LRRCC1: variants seen among roughly 807,000 people sequenced by gnomAD.
LRRCC1 encodes the protein leucine rich repeat and coiled-coil centrosomal protein 1.
In LRRCC1, 115 loss-of-function variants were observed where a neutral mutation model predicts 126.0. That is an observed-to-expected ratio of 0.91 (90% CI 0.78 to 1.07). The LOEUF (loss-of-function observed/expected upper bound fraction) is 1.07. Ranked by LOEUF, LRRCC1 falls within the 50% of genes least tolerant of loss-of-function variation. LRRCC1 has a pLI of 0.00. For synonymous variants in LRRCC1, 400 were observed against 393.4 expected, an observed-to-expected ratio of 1.02 and a Z score of -0.20; for missense variants, 1,172 against 1,175.7, an observed-to-expected ratio of 1.00 and a Z score of 0.05.
chr8:85,137,999 G>A, intron 15 of LRRCC1, 36 bp from the exon 16 acceptor site: 2 of 1,075,278 alleles, frequency 1.9e-6, no homozygotes, highest in Non-Finnish European at 2.7e-6. Flanking sequence ...AGCATTTAAA[G>A]TTAATAAAAA....
Position 85,134,851 on chromosome 8 carries a change from A to C in LRRCC1, c.1973A>C (p.Lys658Thr). ...TVEARRFQDV[K>T]DGFENVATEL... ...TAATACAATTTTGGAATATAGGTTAAAGATGGTTTTGAAAATGTTGCAACT... is the reference window on the plus strand; with the variant it reads ...TAATACAATTTTGGAATATAGGTTACAGATGGTTTTGAAAATGTTGCAACT... The change falls in exon 13 of 19, where the codon AAA becomes ACA. Residue 658 changes from lysine (K) to threonine (T), a missense_variant. Lys to Thr is a moderately conservative substitution (Grantham distance 78). Transcript: ENST00000360375. 1 of 1,568,724 alleles carries C rather than the reference A, an allele frequency of 6.4e-7. No homozygotes were observed. Among genetic ancestry groups the C allele is most frequent in the Non-Finnish European group, 8.6e-7 (1 of 1,167,182 alleles).
intron 9 of LRRCC1, among the ~76,000 whole-genome samples, chr8:85,128,548 G>A (rs1319057003): frequency 1.3e-5 from 2 of 151,426 alleles, no homozygotes; most frequent in Non-Finnish European, 2.9e-5. Flanking sequence ...GTGCCATGCT[G>A]TGAGTATATA....
At chr8:85,124,998 G>A in intron 8 of LRRCC1, 59 bp downstream of exon 8, 1 of 1,215,192 alleles carries the variant, frequency 8.2e-7, no homozygotes, top group Non-Finnish European at 1.1e-6. Flanking sequence ...CAGAGTCCCA[G>A]AAAAATTATG....
chr8:85,129,155 A>T lies in LRRCC1; in HGVS notation c.1422-20A>T. 6.5e-7 allele frequency: 1 copy of T among 1,531,342 alleles called. No homozygotes were observed. Among genetic ancestry groups the T allele is most frequent in the East Asian group, 2.3e-5 (1 of 44,442 alleles). 94.9% of individuals were successfully genotyped at this position (1,531,342 alleles called of 1,614,324 possible). On this transcript the variant is annotated intron_variant, in intron 9 of 18. Coordinates refer to ENST00000360375, the MANE Select transcript of LRRCC1 (RefSeq NM_033402.5). The stretch of plus-strand genomic sequence containing the variant: ...TTATATGTGTAATATACTTAACACC[A>T]CATATAACTTCTGCTTTAGGCTAAA...
chr8:85,123,660 T>A, intron 7 of LRRCC1, 54 bp downstream of exon 7: 1 of 1,302,414 alleles, frequency 7.7e-7, no homozygotes, highest in Non-Finnish European at 1.1e-6. Context: ...TAATGCTGGC[T>A]TCTCTCTTGA....
In LRRCC1 at chr8:85,145,592, CTA is replaced by C; in HGVS notation, c.*83_*84del. 8.5e-7 allele frequency: 1 copy of C among 1,178,722 alleles called. No homozygotes were observed. Among genetic ancestry groups the C allele is most frequent in the Non-Finnish European group, 1.2e-6 (1 of 855,958 alleles). The allele number at this position is 1,178,722 out of a possible 1,614,324, so 73.0% of individuals were successfully genotyped here. A position where few individuals can be genotyped will look rare whatever the true frequency, so the allele number is the denominator to read the frequency against. ...TTAAATATTGTAATAGTAGTAACTG[CTA>C]TGACTTTGAAATGTCTCTTTCTATA... On this transcript the variant is annotated 3_prime_UTR_variant, in exon 19 of 19. Coordinates refer to ENST00000360375, the MANE Select transcript of LRRCC1 (RefSeq NM_033402.5).
chr8:85,119,855 C>A (rs1355608160), intron 6 of LRRCC1, among the ~76,000 whole-genome samples: 1 of 152,154 alleles, frequency 6.6e-6, no homozygotes, highest in Non-Finnish European at 1.5e-5. Context: ...CCTAATGTAA[C>A]CTTTTAAAGC....
At chr8:85,141,304 C>G in intron 17 of LRRCC1, 78 bp from the exon 18 acceptor site, 1 of 1,199,648 alleles carries the variant, frequency 8.3e-7, no homozygotes, top group Non-Finnish European at 1.2e-6. Context: ...GTGAGCCACC[C>G]GAGAAGAAAT....
At chr8:85,125,091 T>G (rs1563942176) in intron 8 of LRRCC1, 152 bp downstream of exon 8, 2 of 558,914 alleles carry the variant, frequency 3.6e-6, no homozygotes, top group Non-Finnish European at 3.1e-6. Flanking sequence ...TTCCAGATTT[T>G]ATGTAATGTT....
chr8:85,136,628 ATTTTC>A (rs1810893244), intron 14 of LRRCC1, among the ~76,000 whole-genome samples: 1 of 152,124 alleles, frequency 6.6e-6, no homozygotes, highest in Non-Finnish European at 1.5e-5. Flanking sequence ...TACACATTTA[ATTTTC>A]TTTTCTGATA....
chr8:85,111,962 C>CA (rs1808759746), intron 3 of LRRCC1, among the ~76,000 whole-genome samples: 1 of 151,654 alleles, frequency 6.6e-6, no homozygotes, highest in African/African-American at 2.4e-5. Flanking sequence ...TCCTGGGTTC[C>CA]AGCGATTCTC....
rs773514193 is a variant in LRRCC1 at position 85,107,355 on chromosome 8, C to A, written c.60C>A (p.Asp20Glu). ...CGGAAGTGGAAAACGAAGACGGCGACAGCAGCTGCGGGGATGTATGCTTCA... is the reference window on the plus strand; with the variant it reads ...CGGAAGTGGAAAACGAAGACGGCGAAAGCAGCTGCGGGGATGTATGCTTCA... ...AEAEVENEDG[D>E]SSCGDVCFMD... The change falls in exon 1 of 19, where the codon GAC becomes GAA. Residue 20 changes from aspartate (D) to glutamate (E), a missense_variant. Physicochemically the swap from Asp to Glu is conservative, Grantham distance 45. Coordinates refer to ENST00000360375, the MANE Select transcript of LRRCC1 (RefSeq NM_033402.5). 2.5e-6 allele frequency: 4 copies of A among 1,613,864 alleles called. No individual in the cohort carries two copies. In the Admixed American group the frequency reaches 6.7e-5, roughly 27 times the overall value.
intron 6 of LRRCC1, 145 bp from the exon 7 acceptor site, chr8:85,123,268 G>T (rs1473441597): frequency 1.8e-6 from 1 of 562,840 alleles, no homozygotes; most frequent in Admixed American, 3.8e-5. Flanking sequence ...CATACCAGAA[G>T]CTGAATTCCC....
intron 3 of LRRCC1, among the ~76,000 whole-genome samples, 189 bp from the exon 4 acceptor site, chr8:85,112,743 G>A (rs1808820001): frequency 6.6e-6 from 1 of 152,162 alleles, no homozygotes. Flanking sequence ...TCAAAGAAAT[G>A]TTAAACTTCT....
At chr8:85,116,857 GC>G (rs1295626753) in intron 6 of LRRCC1, among the ~76,000 whole-genome samples, 2 of 152,140 alleles carry the variant, frequency 1.3e-5, no homozygotes, top group South Asian at 2.1e-4. Flanking sequence ...AGTCAATAAG[GC>G]TGTGAGGATT....
intron 6 of LRRCC1, among the ~76,000 whole-genome samples, chr8:85,116,810 T>A (rs1217175499): frequency 6.6e-6 from 1 of 152,202 alleles, no homozygotes; most frequent in Non-Finnish European, 1.5e-5. Flanking sequence ...ATATTAATAA[T>A]GCTGGATAAA....
chr8:85,116,354 T>A lies in LRRCC1; in HGVS notation c.930+770T>A, dbSNP rs1272751828. 2.6e-5 allele frequency among the ~76,000 whole-genome samples: 4 copies of A among 152,106 alleles called. No homozygotes were observed. In the East Asian group the frequency reaches 5.8e-4, roughly 22 times the overall value. On this transcript the variant is annotated intron_variant, in intron 6 of 18. Transcript: ENST00000360375. ...GTCATATGTTAGTTCAACTTAAAAATTTTTAACTAAGTTATTGTTACTAAT... is the reference window on the plus strand; with the variant it reads ...GTCATATGTTAGTTCAACTTAAAAAATTTTAACTAAGTTATTGTTACTAAT...
Position 85,126,695 on chromosome 8 carries a change from G to A in LRRCC1, c.1279G>A (p.Val427Ile). The change falls in exon 9 of 19, where the codon GTT becomes ATT. Residue 427 changes from valine (V) to isoleucine (I), a missense_variant. Coordinates refer to ENST00000360375, the MANE Select transcript of LRRCC1 (RefSeq NM_033402.5). ...CTTTGTTGTTTTCTTTCAGTCCCTT[G>A]TTGAACAGCTAGACCAAGAGAGAGA... ...HSEDNTYQSL[V>I]EQLDQEREKR... 2 of 1,610,158 alleles carry A rather than the reference G, an allele frequency of 1.2e-6. No homozygotes were observed. Among genetic ancestry groups the A allele is most frequent in the South Asian group, 2.2e-5 (2 of 90,768 alleles).
intron 1 of LRRCC1, 200 bp from the exon 2 acceptor site, chr8:85,109,395 G>A: frequency 1.8e-6 from 1 of 550,328 alleles, no homozygotes; most frequent in Non-Finnish European, 3.2e-6. Context: ...TTTCTTGTTT[G>A]TATAAATAAT....
Sources: gnomAD v4.1 joint callset for allele counts (sites outside exome capture counted in the v4.1 genomes callset) on GRCh38, gnomAD v4.1.1 for gene constraint, MANE v1.5 for transcripts, NCBI Gene and HGNC (gene_info 2026-07-23, HGNC 2026-07-21) for gene names.